FBXW8: variants seen among roughly 807,000 people sequenced by gnomAD.
FBXW8 encodes the protein F-box/WD repeat-containing protein 8.
In FBXW8, 57 loss-of-function variants were observed where a neutral mutation model predicts 65.3. The ratio of observed to expected loss-of-function variants is 0.87; its 90% CI spans 0.71 to 1.09. The LOEUF (loss-of-function observed/expected upper bound fraction) is 1.09, where lower values mean the gene tolerates loss of function less well. Ranked by LOEUF, FBXW8 falls within the 50% of genes least tolerant of loss-of-function variation. The pLI, the probability that FBXW8 is intolerant of heterozygous loss-of-function variation, is 0.00. For synonymous variants in FBXW8, 308 were observed against 330.2 expected (o/e 0.93, Z 0.73); for missense variants, 777 against 814.8 (o/e 0.95, Z 0.57).
intron 5 of FBXW8, among the ~76,000 whole-genome samples, chr12:116,968,379 A>C (rs1884452543): frequency 6.6e-6 from 1 of 152,190 alleles, no homozygotes; most frequent in South Asian, 2.1e-4. Context: ...AAAAAACAAA[A>C]GATAGCATAC....
At chr12:117,025,952 C>T (rs1565948383) in intron 9 of FBXW8, among the ~76,000 whole-genome samples, 2 of 152,206 alleles carry the variant, frequency 1.3e-5, no homozygotes, top group South Asian at 2.1e-4. Flanking sequence ...CCAGCACTGC[C>T]TCTGTCCCTG....
chr12:116,924,498 G>C (rs1388457993), intron 1 of FBXW8, among the ~76,000 whole-genome samples: 1 of 152,106 alleles, frequency 6.6e-6, no homozygotes, highest in Non-Finnish European at 1.5e-5. Flanking sequence ...TCAACCTGTA[G>C]TGCCACAGAG....
chr12:116,944,417 G>A (rs757585679), intron 2 of FBXW8, among the ~76,000 whole-genome samples: 21 of 152,114 alleles, frequency 1.4e-4, no homozygotes, highest in African/African-American at 4.6e-4. Context: ...CCTTCTTTCC[G>A]TCTCTGTCTT....
intron 2 of FBXW8, among the ~76,000 whole-genome samples, chr12:116,937,301 C>T (rs374407199): frequency 2.2e-4 from 33 of 152,224 alleles, no homozygotes; most frequent in African/African-American, 7.9e-4. Context: ...AAGCTGTCAG[C>T]CACATTGATG....
chr12:116,936,774 G>A lies in FBXW8; in HGVS notation c.424-8590G>A, dbSNP rs142269806. Among the ~76,000 whole-genome samples, 18 of 152,278 alleles carry A rather than the reference G, an allele frequency of 1.2e-4. No individual in the cohort carries two copies. Among genetic ancestry groups the A allele is most frequent in the Non-Finnish European group, 2.2e-4 (15 of 68,014 alleles). On this transcript the variant is annotated intron_variant, in intron 2 of 10. Transcript: ENST00000652555. This position sits in a 1 kb window ranked among gnomAD's most constrained non-coding sequence, Gnocchi z 4.6. ...TAGCGCAGCCATAGGAGACTGATAC[G>A]GGGATGTGGTGAGCAGAAGGATAAG...
chr12:116,940,837 T>C (rs1396553428), intron 2 of FBXW8, among the ~76,000 whole-genome samples: 1 of 152,114 alleles, frequency 6.6e-6, no homozygotes, highest in African/African-American at 2.4e-5. Flanking sequence ...ACAGCCCATA[T>C]TTGAGGTGTT....
At chr12:116,921,739 T>A (rs1042359605) in intron 1 of FBXW8, among the ~76,000 whole-genome samples, 1 of 152,016 alleles carries the variant, frequency 6.6e-6, no homozygotes, top group African/African-American at 2.4e-5. Flanking sequence ...TTTAGGAAAT[T>A]CAGAAGAATA....
intron 5 of FBXW8, chr12:116,978,496 A>G (rs1345229587): frequency 3.9e-5 from 6 of 152,206 alleles, no homozygotes; most frequent in Admixed American, 6.5e-5. Flanking sequence ...GTTTATTTAC[A>G]TGGTAGAAAT....
At chr12:117,010,539 C>CA (rs903344817) in intron 8 of FBXW8, 89 bp downstream of exon 8, 14 of 1,567,008 alleles carry the variant, frequency 8.9e-6, no homozygotes, top group African/African-American at 1.3e-5. Context: ...GCCCGGTTCT[C>CA]ACTCAACAGC....
intron 4 of FBXW8, 147 bp downstream of exon 4, chr12:116,949,853 G>A (rs552160533): frequency 1.8e-4 from 132 of 747,576 alleles, no homozygotes; most frequent in Non-Finnish European, 1.1e-4. Context: ...GAGAGTCTCC[G>A]TGATTCTGTT....
intron 2 of FBXW8, among the ~76,000 whole-genome samples, chr12:116,930,855 T>C (rs10850730): frequency 0.58 from 87,686 of 152,152 alleles, 28,541 homozygotes; most frequent in Admixed American, 0.72. Context: ...TTGCCCAGGC[T>C]GGCATGCAGT....
At chr12:117,019,283 T>C (rs1199007398) in intron 8 of FBXW8, among the ~76,000 whole-genome samples, 4 of 152,214 alleles carry the variant, frequency 2.6e-5, no homozygotes, top group African/African-American at 9.6e-5. Flanking sequence ...CTCAGAATTT[T>C]GGATCTAGCA....
At chr12:116,975,725 C>G (rs1206265309) in intron 5 of FBXW8, among the ~76,000 whole-genome samples, 1 of 152,166 alleles carries the variant, frequency 6.6e-6, no homozygotes, top group Admixed American at 6.5e-5. Context: ...AGGCACAACA[C>G]CTTCTGATTT....
intron 7 of FBXW8, among the ~76,000 whole-genome samples, chr12:116,990,162 C>A (rs182521084): frequency 5.9e-5 from 9 of 152,314 alleles, no homozygotes; most frequent in Admixed American, 4.6e-4. Flanking sequence ...TATTCTTCAT[C>A]CAGGAAGATA....
rs148574295 is a variant in FBXW8 at position 117,028,086 on chromosome 12, C to T, written c.1711C>T (p.Pro571Ser). The T allele has an allele frequency of 1.2e-6, 2 of 1,614,128 alleles. No homozygotes were observed. The highest frequency in any genetic ancestry group is 1.6e-4 in the Middle Eastern group (1 of 6,062). ...FAVDQLAFQSPLPVCRSSCDA... is the reference protein window; with the variant it reads ...FAVDQLAFQSSLPVCRSSCDA... ...GGTGGACCAGCTGGCCTTCCAGAGC[C>T]CTCTCCCTGTCTGCCGTTCATCCTG... Residue 571 changes from proline (P) to serine (S), a missense_variant, in exon 11 of 11, where the codon CCT becomes TCT. By Grantham distance (74) the Pro-to-Ser change is moderately conservative. Coordinates refer to ENST00000652555, the MANE Select transcript of FBXW8 (RefSeq NM_153348.3). This position sits in a 1 kb window ranked among gnomAD's most constrained non-coding sequence, Gnocchi z 4.1.
At chr12:116,942,523 C>T (rs145895312) in intron 2 of FBXW8, among the ~76,000 whole-genome samples, 3 of 149,550 alleles carry the variant, frequency 2.0e-5, no homozygotes, top group Non-Finnish European at 4.5e-5. Flanking sequence ...TACAGGTGCA[C>T]GCCACCATGT....
chr12:116,982,164 T>C (rs1430280262), intron 5 of FBXW8, among the ~76,000 whole-genome samples: 1 of 152,126 alleles, frequency 6.6e-6, no homozygotes, highest in African/African-American at 2.4e-5. Flanking sequence ...ATTAGCAAAA[T>C]GGTAGATTAA....
At chr12:116,913,192 A>T (rs1219188791) in intron 1 of FBXW8, among the ~76,000 whole-genome samples, 1 of 152,244 alleles carries the variant, frequency 6.6e-6, no homozygotes, top group African/African-American at 2.4e-5. Flanking sequence ...AGTTTAAGAC[A>T]TTATACTCTA....
rs1883123582 is a variant in FBXW8 at position 116,949,351 on chromosome 12, C to T, written c.589-267C>T. On this transcript the variant is annotated intron_variant, in intron 3 of 10. Coordinates refer to ENST00000652555, the MANE Select transcript of FBXW8 (RefSeq NM_153348.3). Reference sequence around the variant, plus strand: ...GGTGAGCACATATTTGCTTTCTATTCTGTAACCTCCTGGAGGATGGGGCAA... The same window carrying T: ...GGTGAGCACATATTTGCTTTCTATTTTGTAACCTCCTGGAGGATGGGGCAA... The T allele has an allele frequency of 6.5e-6, 3 of 461,562 alleles. 1 individual carries two copies. 28.6% of individuals were successfully genotyped at this position (461,562 alleles called of 1,614,324 possible).
Sources: gnomAD v4.1 joint callset for allele counts (sites outside exome capture counted in the v4.1 genomes callset) on GRCh38, gnomAD v4.1.1 for gene constraint, Gnocchi (gnomAD v3.1) non-coding constraint, MANE v1.5 for transcripts, NCBI Gene and HGNC (gene_info 2026-07-23, HGNC 2026-07-21) for gene names.